Variants in DPY19L1 observed in about 807,000 individuals in gnomAD.
The protein encoded by DPY19L1 is dpy-19 like C-mannosyltransferase 1.
DPY19L1 carries 35 observed loss-of-function variants against 96.9 expected under a neutral mutation model. The ratio of observed to expected loss-of-function variants is 0.36; its 90% CI spans 0.28 to 0.48. DPY19L1 has a LOEUF of 0.48. Among genes scored for constraint, DPY19L1 ranks in the 20% least tolerant of loss-of-function variants. DPY19L1 has a pLI of 0.99. For synonymous variants in DPY19L1, 205 were observed against 252.6 expected (o/e 0.81, Z 1.79); for missense variants, 521 against 777.9 (o/e 0.67, Z 3.93).
chr7:34,963,429 TA>T (rs1052487962), intron 10 of DPY19L1, among the ~76,000 whole-genome samples: 27 of 152,258 alleles, frequency 1.8e-4, no homozygotes, highest in Admixed American at 1.4e-3. Flanking sequence ...GGCAGTTCCT[TA>T]AAAAATAGAT....
chr7:35,017,518 A>ACAAAAAAAC, intron 3 of DPY19L1, among the ~76,000 whole-genome samples: 1 of 91,306 alleles, frequency 1.1e-5, no homozygotes, highest in Non-Finnish European at 2.4e-5. Context: ...AAAAAAAAAA[A>ACAAAAAAAC]AAAATTAGCC....
intron 1 of DPY19L1, among the ~76,000 whole-genome samples, chr7:35,036,124 C>G (rs1786393683): frequency 6.6e-6 from 1 of 152,124 alleles, no homozygotes; most frequent in African/African-American, 2.4e-5. Flanking sequence ...AGCCAATTTG[C>G]TGTGTCCTAT....
rs1333499463 is a variant in DPY19L1, at chr7:34,969,485, T to C, written c.962A>G (p.Asn321Ser). The stretch of plus-strand genomic sequence containing the variant: ...CTGCCAAGGAAGCATGAAAAATACA[T>C]TGGAAATGCAGAGTGCAATCAAGCT... ...RGSLIALCIS[N>S]VFFMLPWQFA... is the part of the protein sequence containing the mutation. The change falls in exon 9 of 22, where the codon AAT becomes AGT. Residue 321 changes from asparagine (N) to serine (S), a missense_variant. Physicochemically the swap from Asn to Ser is conservative, Grantham distance 46. Coordinates refer to ENST00000638088, the MANE Select transcript of DPY19L1 (RefSeq NM_001366673.1). 2.5e-6 allele frequency: 4 copies of C among 1,578,462 alleles called. No individual in the cohort carries two copies. Among genetic ancestry groups the C allele is most frequent in the South Asian group, 2.4e-5 (2 of 84,834 alleles).
intron 1 of DPY19L1, among the ~76,000 whole-genome samples, chr7:35,028,636 C>T (rs570064449): frequency 3.9e-5 from 6 of 152,210 alleles, no homozygotes; most frequent in East Asian, 1.9e-4. Context: ...GAAAGAATTC[C>T]GGGCGAGTCC....
chr7:34,939,419 C>T lies in DPY19L1; in HGVS notation c.1865-44G>A, dbSNP rs760999390. 29 of 1,520,334 alleles carry T rather than the reference C, an allele frequency of 1.9e-5. No individual in the cohort carries two copies. In the East Asian group the frequency reaches 2.0e-4, roughly 11 times the overall value. 94.2% of individuals were successfully genotyped at this position (1,520,334 alleles called of 1,614,324 possible). On this transcript the variant is annotated intron_variant, in intron 19 of 21. Transcript: ENST00000638088. ...GTCTCAGGAAGACACTCAGTGAAGG[C>T]GAGAAGGTGTCTCCTTCAAGTGTAA...
chr7:35,021,867 T>C (rs113476727), intron 1 of DPY19L1, among the ~76,000 whole-genome samples: 207 of 152,336 alleles, frequency 1.4e-3, no homozygotes, highest in Non-Finnish European at 2.5e-3. Context: ...GCAATTCATC[T>C]GTTGATATAG....
At chr7:35,018,224 ATAGAT>A (rs1260586134) in intron 2 of DPY19L1, among the ~76,000 whole-genome samples, 69 of 152,220 alleles carry the variant, frequency 4.5e-4, no homozygotes, top group Non-Finnish European at 9.3e-4. Flanking sequence ...CAATAAAAGT[ATAGAT>A]TAAACTGTAA....
chr7:34,940,313 G>C lies in DPY19L1; in HGVS notation c.1704C>G (p.Leu568=), dbSNP rs367787695. Residue 568 remains leucine, a synonymous_variant, in exon 19 of 22, where the codon CTC becomes CTG. Transcript: ENST00000638088. ...LICSRQLFGW[L]FCKVHPGAIV... Reference sequence around the variant, plus strand: ...TAGCACCAGGATGTACTTTGCAAAAGAGCCATCCAAATAGCTGAAACCAAA... The same window carrying C: ...TAGCACCAGGATGTACTTTGCAAAACAGCCATCCAAATAGCTGAAACCAAA... The C allele has an allele frequency of 1.2e-6, 2 of 1,607,166 alleles. No individual in the cohort carries two copies. The highest frequency in any genetic ancestry group is 1.7e-6 in the Non-Finnish European group (2 of 1,178,410).
rs759563070 is a variant in DPY19L1 at position 34,940,159 on chromosome 7, T to G, written c.1858A>C (p.Lys620Gln). The change falls in exon 19 of 22, where the codon AAA (lysine) becomes CAA (glutamine). Residue 620 changes from lysine (K) to glutamine (Q), a missense_variant. Transcript: ENST00000638088. ...ELIEWIKYST[K>Q]PDAVFAGAMP... ...TTCTTTTTTTTTTTTTTACCTGGTTTAGTACTATATTTGATCCATTCTATA... is the reference window on the plus strand; with the variant it reads ...TTCTTTTTTTTTTTTTTACCTGGTTGAGTACTATATTTGATCCATTCTATA... 6 of 1,536,292 alleles carry G rather than the reference T, an allele frequency of 3.9e-6. No homozygotes were observed. Among genetic ancestry groups the G allele is most frequent in the Non-Finnish European group, 5.2e-6 (6 of 1,146,840 alleles).
At chr7:34,942,470 A>G (rs1784042559) in intron 17 of DPY19L1, 145 bp downstream of exon 17, 1 of 691,428 alleles carries the variant, frequency 1.4e-6, no homozygotes, top group Non-Finnish European at 2.6e-6. Flanking sequence ...ATCTGCATAT[A>G]GCATTCTCAT....
At chr7:35,014,340 A>G (rs1355556809) in intron 3 of DPY19L1, among the ~76,000 whole-genome samples, 1 of 152,130 alleles carries the variant, frequency 6.6e-6, no homozygotes, top group Non-Finnish European at 1.5e-5. Flanking sequence ...GAAAAGAGAC[A>G]GTTTTTAGCT....
At chr7:34,938,164 G>A (rs370812493) in intron 20 of DPY19L1, 45 bp from the exon 21 acceptor site, 27 of 1,573,980 alleles carry the variant, frequency 1.7e-5, no homozygotes, top group Middle Eastern at 1.7e-4. Flanking sequence ...AGACTAAAAC[G>A]ATACAATAAC....
chr7:34,970,151 G>A lies in DPY19L1; in HGVS notation c.915-619C>T, dbSNP rs547243614. 3.9e-5 allele frequency among the ~76,000 whole-genome samples: 6 copies of A among 152,196 alleles called. No homozygotes were observed. The East Asian group carries it at 9.7e-4, about 25-fold the overall frequency. On this transcript the variant is annotated intron_variant, in intron 8 of 21. Coordinates refer to ENST00000638088, the MANE Select transcript of DPY19L1 (RefSeq NM_001366673.1). ...TTATCCTCTAAACCTGTGAGCCAAC[G>A]CAAAGCCCCCACACATGTCCATCTT...
chr7:34,991,409 T>C (rs1465139158), intron 6 of DPY19L1, among the ~76,000 whole-genome samples: 1 of 152,052 alleles, frequency 6.6e-6, no homozygotes, highest in Non-Finnish European at 1.5e-5. Context: ...GTGTCTGAAG[T>C]GATGGATCAC....
chr7:34,956,529 T>C (rs1455294678), intron 11 of DPY19L1, among the ~76,000 whole-genome samples: 3 of 150,086 alleles, frequency 2.0e-5, no homozygotes, highest in South Asian at 2.1e-4. Flanking sequence ...TTTTTTGAAA[T>C]GGAGTCTCGC....
intron 1 of DPY19L1, among the ~76,000 whole-genome samples, chr7:35,035,583 A>T (rs1189919310): frequency 6.6e-6 from 1 of 152,184 alleles, no homozygotes; most frequent in African/African-American, 2.4e-5. Context: ...TCAGATCTCA[A>T]ATCAGCATCA....
At chr7:34,934,942 AT>A (rs1562797380) in intron 21 of DPY19L1, among the ~76,000 whole-genome samples, 1 of 152,042 alleles carries the variant, frequency 6.6e-6, no homozygotes, top group Admixed American at 6.6e-5. Context: ...GGACTGCACA[AT>A]TTTTTTCTTA....
chr7:34,954,397 G>A (rs1253267711), intron 13 of DPY19L1: 12 of 178,058 alleles, frequency 6.7e-5, no homozygotes, highest in Non-Finnish European at 1.2e-5. Flanking sequence ...TTACAAAGAA[G>A]CTAGAGAAAA....
chr7:34,993,534 T>TA (rs1785218341), intron 6 of DPY19L1, among the ~76,000 whole-genome samples: 1 of 152,136 alleles, frequency 6.6e-6, no homozygotes, highest in African/African-American at 2.4e-5. Flanking sequence ...CAACTACTCT[T>TA]ATTTTTAAGA....
Sources: allele counts gnomAD v4.1 joint callset (sites outside exome capture counted in the v4.1 genomes callset), GRCh38; gene constraint gnomAD v4.1.1; transcripts MANE v1.5; gene names NCBI Gene and HGNC (gene_info 2026-07-23, HGNC 2026-07-21).